The following GAN variants were observed in gnomAD, a reference collection of about 807,000 sequenced individuals.
GAN encodes gigaxonin, also known as epididymis secretory sperm binding protein.
GAN carries 48 observed loss-of-function variants against 71.3 expected under a neutral mutation model. The ratio of observed to expected loss-of-function variants is 0.67; its 90% CI spans 0.53 to 0.86. The LOEUF is 0.86. Among genes scored for constraint, GAN ranks in the 40% least tolerant of loss-of-function variants. The probability of loss-of-function intolerance (pLI) is 0.00; values close to 1 mark genes in which losing one functional copy is unlikely to be tolerated. For synonymous variants in GAN, 386 were observed against 276.8 expected (o/e 1.39, Z -3.92); for missense variants, 928 against 770.1 (o/e 1.21, Z -2.43).
chr16:81,339,781 C>T (rs1055380898), intron 1 of GAN, among the ~76,000 whole-genome samples: 8 of 152,092 alleles, frequency 5.3e-5, no homozygotes, highest in Non-Finnish European at 2.9e-5. Context: ...TACAACTGAT[C>T]TTTCAAAGAC....
At chr16:81,343,208 C>T (rs549197490) in intron 1 of GAN, among the ~76,000 whole-genome samples, 2 of 152,272 alleles carry the variant, frequency 1.3e-5, no homozygotes, top group East Asian at 3.9e-4. Context: ...GGAGCTGGTA[C>T]CATTCCTTCT....
chr16:81,316,843 C>G (rs1028684521), intron 1 of GAN, among the ~76,000 whole-genome samples: 2 of 152,156 alleles, frequency 1.3e-5, no homozygotes, highest in Admixed American at 1.3e-4. Flanking sequence ...ACAGTGTGAC[C>G]TCAATGAGGT....
chr16:81,358,615 A>C (rs1023202752), intron 5 of GAN, among the ~76,000 whole-genome samples: 2 of 151,788 alleles, frequency 1.3e-5, no homozygotes, highest in African/African-American at 4.8e-5. Context: ...TCTCAAAAAA[A>C]AAAGAAAAAA....
intron 1 of GAN, among the ~76,000 whole-genome samples, chr16:81,319,443 T>A (rs1223417273): frequency 6.6e-6 from 1 of 152,094 alleles, no homozygotes; most frequent in Non-Finnish European, 1.5e-5. Flanking sequence ...TTCAGACCCA[T>A]TTCTCTCCTG....
chr16:81,315,071 G>C lies in GAN; in HGVS notation c.-43G>C, dbSNP rs1196547646. On this transcript the variant is annotated 5_prime_UTR_variant, in exon 1 of 11. Transcript: ENST00000648994. ...GGCCGCTCGAGGGGTCCGGCCGGACGGTGTCGGGAGCCGGACCCGTCGGCA... is the reference window on the plus strand; with the variant it reads ...GGCCGCTCGAGGGGTCCGGCCGGACCGTGTCGGGAGCCGGACCCGTCGGCA... 1 of 1,426,618 alleles carries C rather than the reference G, an allele frequency of 7.0e-7. No individual in the cohort carries two copies. Among genetic ancestry groups the C allele is most frequent in the South Asian group, 1.4e-5 (1 of 70,628 alleles). 88.4% of individuals were successfully genotyped at this position (1,426,618 alleles called of 1,614,324 possible). A position where few individuals can be genotyped will look rare whatever the true frequency, so the allele number is the denominator to read the frequency against.
chr16:81,348,869 A>T (rs112081879), intron 1 of GAN, among the ~76,000 whole-genome samples: 3 of 152,272 alleles, frequency 2.0e-5, no homozygotes, highest in African/African-American at 7.2e-5. Flanking sequence ...CTTGCTTGGA[A>T]GATATGTTCT....
In GAN at chr16:81,319,202, T is replaced by G. The variant is rs927692602; in HGVS notation, c.167+3922T>G. On this transcript the variant is annotated intron_variant, in intron 1 of 10. Transcript: ENST00000648994. ...TCTTAAATTAAAAAAAAAATAGATA[T>G]AGATTATATATATATATATATATCT... 1.0e-4 allele frequency among the ~76,000 whole-genome samples: 6 copies of G among 57,154 alleles called. No homozygotes were observed. The South Asian group carries it at 2.9e-3, about 28-fold the overall frequency. 37.5% of individuals were successfully genotyped at this position (57,154 alleles called of 152,430 possible).
rs1273731790 is a variant in GAN at position 81,383,421 on chromosome 16, T to A, written c.*5825T>A. ...GTGCTTATTACCACACTCGGCGAAT[T>A]TTTTGTGTTTTTAGTAGAGACGGGG... On this transcript the variant is annotated 3_prime_UTR_variant, in exon 11 of 11. Transcript: ENST00000648994. The A allele has an allele frequency of 2.0e-5, 3 of 151,736 alleles. No individual in the cohort carries two copies. The highest frequency in any genetic ancestry group is 4.4e-5 in the Non-Finnish European group (3 of 67,922). 9.4% of individuals were successfully genotyped at this position (151,736 alleles called of 1,614,324 possible).
At chr16:81,322,322 C>T (rs1011011174) in intron 1 of GAN, among the ~76,000 whole-genome samples, 2 of 152,146 alleles carry the variant, frequency 1.3e-5, no homozygotes, top group Non-Finnish European at 2.9e-5. Context: ...CAGTGTTCAC[C>T]ACATGCAGAG....
chr16:81,341,084 G>C (rs930892519), intron 1 of GAN, among the ~76,000 whole-genome samples: 2 of 151,738 alleles, frequency 1.3e-5, no homozygotes, highest in Admixed American at 6.6e-5. Context: ...AAGAAGACAA[G>C]ATTAGAGAAA....
intron 9 of GAN, among the ~76,000 whole-genome samples, chr16:81,375,817 TTCATTAGC>T (rs1904277989): frequency 6.6e-6 from 1 of 150,956 alleles, no homozygotes; most frequent in Admixed American, 6.6e-5. Flanking sequence ...AAAAAAAAAA[TTCATTAGC>T]TGGGTGTGGT....
rs1904285702 is a variant in GAN, at chr16:81,377,512, T to C, written c.1710T>C (p.Cys570=). Residue 570 remains cysteine, a synonymous_variant, in exon 11 of 11, where the codon TGT becomes TGC. Coordinates refer to ENST00000648994, the MANE Select transcript of GAN (RefSeq NM_022041.4). The stretch of plus-strand genomic sequence containing the variant: ...CATCCGACCTTCGCCGTACAGGATG[T>C]GCAGCCTTACGCATTGCGAATTGCA... The part of the protein sequence containing the change: ...LLPSDLRRTG[C]AALRIANCKL... The C allele has an allele frequency of 6.2e-7, 1 of 1,614,178 alleles. No homozygotes were observed. Among genetic ancestry groups the C allele is most frequent in the African/African-American group, 1.3e-5 (1 of 75,054 alleles).
intron 1 of GAN, among the ~76,000 whole-genome samples, chr16:81,327,576 T>A (rs554371703): frequency 6.6e-6 from 1 of 150,634 alleles, no homozygotes; most frequent in African/African-American, 2.5e-5. Context: ...TGCTTTCATT[T>A]TGGATTTATT....
At chr16:81,352,325 T>A (rs1339474081) in intron 2 of GAN, among the ~76,000 whole-genome samples, 1 of 152,180 alleles carries the variant, frequency 6.6e-6, no homozygotes, top group Non-Finnish European at 1.5e-5. Context: ...TGATAAACGA[T>A]CAGACTTCTT....
intron 9 of GAN, among the ~76,000 whole-genome samples, chr16:81,376,846 G>A (rs768672061): frequency 2.6e-5 from 4 of 152,128 alleles, no homozygotes; most frequent in Non-Finnish European, 4.4e-5. Context: ...CACTGCACTC[G>A]GGAGGCCCTG....
intron 1 of GAN, among the ~76,000 whole-genome samples, chr16:81,349,316 A>G (rs914248459): frequency 1.3e-5 from 2 of 152,076 alleles, no homozygotes; most frequent in Non-Finnish European, 2.9e-5. Flanking sequence ...GTTTCCTCAG[A>G]TACTCCAAGT....
At chr16:81,358,228 G>A (rs2150687824) in intron 5 of GAN, among the ~76,000 whole-genome samples, 1 of 152,212 alleles carries the variant, frequency 6.6e-6, no homozygotes, top group Admixed American at 6.5e-5. Context: ...GTAGCTGTAG[G>A]GCCACACCTG....
intron 9 of GAN, among the ~76,000 whole-genome samples, chr16:81,368,303 A>C (rs561573324): frequency 1.3e-5 from 2 of 152,188 alleles, no homozygotes; most frequent in Admixed American, 1.3e-4. Context: ...TCCATGTTCA[A>C]AAAAGGGTCA....
In GAN at chr16:81,388,028, C is replaced by G. The variant is rs75056033; in HGVS notation, c.*10432C>G. 2.0e-5 allele frequency: 3 copies of G among 152,342 alleles called. No individual in the cohort carries two copies. The East Asian group carries it at 5.8e-4, about 29-fold the overall frequency. The allele number at this position is 152,342 out of a possible 1,614,324, so 9.4% of individuals were successfully genotyped here. ...GTTCCACTGTGGCTCCCCATGGACA[C>G]TGCTAGGTGGAATCTCTGAGAAAAC... On this transcript the variant is annotated 3_prime_UTR_variant, in exon 11 of 11. Coordinates refer to ENST00000648994, the MANE Select transcript of GAN (RefSeq NM_022041.4).
Sources: allele counts gnomAD v4.1 joint callset (sites outside exome capture counted in the v4.1 genomes callset), GRCh38; gene constraint gnomAD v4.1.1; transcripts MANE v1.5; gene names NCBI Gene and HGNC (gene_info 2026-07-23, HGNC 2026-07-21).